Variants in SYNE1 observed in about 807,000 individuals in gnomAD.
The protein encoded by SYNE1 is nesprin-1.
In SYNE1, 616 loss-of-function variants were observed where a neutral mutation model predicts 1,111.0. The observed-to-expected ratio is 0.55, with a 90% confidence interval of 0.52 to 0.59. The LOEUF is 0.59. SYNE1 is among the 20% of genes least tolerant of loss of function. The pLI, the probability that SYNE1 is intolerant of heterozygous loss-of-function variation, is 0.00. For missense variants in SYNE1, 10,006 were observed against 10,417.0 expected (o/e 0.96, Z 1.72); for synonymous variants, 3,855 against 3,825.8 (o/e 1.01, Z -0.28).
chr6:152,291,905 T>A (rs1021484524), intron 95 of SYNE1, among the ~76,000 whole-genome samples: 1 of 152,168 alleles, frequency 6.6e-6, no homozygotes, highest in African/African-American at 2.4e-5. Context: ...TCTGAATGCT[T>A]AAAGAACGGG....
At chr6:152,216,413 C>T (rs1423208704) in intron 121 of SYNE1, among the ~76,000 whole-genome samples, 1 of 152,154 alleles carries the variant, frequency 6.6e-6, no homozygotes, top group Non-Finnish European at 1.5e-5. Flanking sequence ...CACTGGGGGG[C>T]CTGGTCCTGG....
intron 84 of SYNE1, among the ~76,000 whole-genome samples, chr6:152,320,529 CTAT>C (rs1348142722): frequency 6.6e-6 from 1 of 152,066 alleles, no homozygotes; most frequent in African/African-American, 2.4e-5. Context: ...TCCGAAAAAT[CTAT>C]TATATTTCCA....
At chr6:152,538,797 C>T (rs1331377763) in intron 4 of SYNE1, among the ~76,000 whole-genome samples, 1 of 152,094 alleles carries the variant, frequency 6.6e-6, no homozygotes, top group East Asian at 1.9e-4. Context: ...GCCAAATTCC[C>T]TTCTCATCAA....
chr6:152,333,983 T>C, intron 77 of SYNE1, 25 bp downstream of exon 77: 1 of 1,614,118 alleles, frequency 6.2e-7, no homozygotes, highest in Non-Finnish European at 8.5e-7. Context: ...AGCATTTTGG[T>C]GACCCATGGG....
chr6:152,302,210 T>G (rs1450430116), intron 91 of SYNE1, 147 bp from the exon 92 acceptor site: 8 of 1,047,220 alleles, frequency 7.6e-6, no homozygotes, highest in Non-Finnish European at 1.0e-5. Flanking sequence ...CGAGTCCTCC[T>G]GCATCTCGCT....
intron 112 of SYNE1, 145 bp downstream of exon 112, chr6:152,233,636 T>C: frequency 9.5e-7 from 1 of 1,057,086 alleles, no homozygotes; most frequent in Middle Eastern, 3.0e-4. Flanking sequence ...GAGTTCACTC[T>C]TAATATTAAT....
chr6:152,526,064 AC>A lies in SYNE1; in HGVS notation c.225+15del. 6.2e-7 allele frequency: 1 copy of A among 1,611,596 alleles called. No homozygotes were observed. The stretch of plus-strand genomic sequence containing the variant: ...GAAACAATTTGACAAGTATGATCAC[AC>A]AAAAAAATTCTTACCAGTTTCTGCC... On this transcript the variant is annotated intron_variant, in intron 5 of 145. Transcript: ENST00000367255.
At chr6:152,552,823 G>T (rs1468244663) in intron 3 of SYNE1, among the ~76,000 whole-genome samples, 2 of 152,120 alleles carry the variant, frequency 1.3e-5, no homozygotes, top group African/African-American at 4.8e-5. Context: ...CTAGCGTGGC[G>T]TTAGTGACCC....
chr6:152,218,277 C>G lies in SYNE1; in HGVS notation c.22171G>C (p.Glu7391Gln). Residue 7391 changes from glutamate to glutamine, a missense_variant, in exon 121 of 146, where the codon GAA becomes CAA. Glu to Gln is a conservative substitution (Grantham distance 29). This residue lies in a region of SYNE1 where 2,182 missense variants were observed against 2,287.8 expected (regional missense o/e 0.95). Transcript: ENST00000367255. The part of the protein sequence containing the change: ...SHSSDLSTIQ[E>Q]RMEELKGQML... ...CTTACCTTAAGTTCTTCCATCCTTT[C>G]CTGGATTGTGGAGAGGTCAGATGAG... 1 of 1,614,064 alleles carries G rather than the reference C, an allele frequency of 6.2e-7. No homozygotes were observed. The highest frequency in any genetic ancestry group is 8.5e-7 in the Non-Finnish European group (1 of 1,179,978).
chr6:152,351,998 A>T, intron 70 of SYNE1, 29 bp downstream of exon 70: 1 of 1,607,834 alleles, frequency 6.2e-7, no homozygotes, highest in Non-Finnish European at 8.5e-7. Context: ...TGACCTCTGC[A>T]TGCATCTGTC....
In SYNE1 at chr6:152,396,943, A is replaced by C. The variant is rs746315899; in HGVS notation, c.7388T>G (p.Leu2463Arg). Reference sequence around the variant, plus strand: ...TTGTCCTTCTTGAGTCACTGCATCAAGTTTGCTCTGCCCATCACTGACTGA... The same window carrying C: ...TTGTCCTTCTTGAGTCACTGCATCACGTTTGCTCTGCCCATCACTGACTGA... ...LDSVSDGQSK[L>R]DAVTQEGQTL... Residue 2463 changes from leucine (L) to arginine (R), a missense_variant, in exon 50 of 146, where the codon CTT becomes CGT. Transcript: ENST00000367255. 7 of 1,614,206 alleles carry C rather than the reference A, an allele frequency of 4.3e-6. 1 individual carries two copies. Among genetic ancestry groups the C allele is most frequent in the South Asian group, 3.3e-5 (3 of 91,082 alleles).
At chr6:152,433,616 A>G (rs2098448746) in intron 34 of SYNE1, 179 bp downstream of exon 34, 7 of 649,512 alleles carry the variant, frequency 1.1e-5, no homozygotes, top group South Asian at 1.0e-4. Flanking sequence ...AATTCCAACT[A>G]TAAATGTTGC....
intron 56 of SYNE1, among the ~76,000 whole-genome samples, chr6:152,378,010 A>G (rs1231866566): frequency 1.3e-5 from 2 of 152,122 alleles, no homozygotes; most frequent in African/African-American, 4.8e-5. Context: ...TCTGAAATCG[A>G]GGCCATGGTC....
At chr6:152,245,071 G>C (rs1214821104) in intron 105 of SYNE1, among the ~76,000 whole-genome samples, 1 of 152,234 alleles carries the variant, frequency 6.6e-6, no homozygotes, top group African/African-American at 2.4e-5. Flanking sequence ...CATCTTTGGA[G>C]AGAGATTCAG....
At chr6:152,552,929 A>G (rs1044528651) in intron 3 of SYNE1, among the ~76,000 whole-genome samples, 2 of 152,188 alleles carry the variant, frequency 1.3e-5, no homozygotes, top group Non-Finnish European at 2.9e-5. Context: ...GGATGTCACA[A>G]ATAAATTTCC....
chr6:152,367,124 A>T (rs760593429), intron 62 of SYNE1, 94 bp downstream of exon 62: 1 of 1,453,102 alleles, frequency 6.9e-7, no homozygotes, highest in Non-Finnish European at 9.7e-7. Context: ...TCATGGAGAG[A>T]ATGTGACATC....
rs781515191 is a variant in SYNE1, at chr6:152,331,243, T to C, written c.13442A>G (p.His4481Arg). 2 of 1,614,144 alleles carry C rather than the reference T, an allele frequency of 1.2e-6. No individual in the cohort carries two copies. The highest frequency in any genetic ancestry group is 1.7e-6 in the Non-Finnish European group (2 of 1,180,040). ...QHERKIMFRE[H>R]ICLLPDDVSK... ...CACATCATCTGGTAACAGACAGATG[T>C]GTTCACGGAACATTATCTTTCGCTC... The change falls in exon 78 of 146, where the codon CAC (histidine) becomes CGC (arginine). Residue 4481 changes from histidine (H) to arginine (R), a missense_variant. Around this residue, in one of 7 missense-constraint regions of SYNE1, gnomAD observed 4,955 missense variants for 5,017.2 expected, o/e 0.99. Transcript: ENST00000367255.
At chr6:152,303,474 T>C (rs1305651595) in intron 91 of SYNE1, among the ~76,000 whole-genome samples, 1 of 151,638 alleles carries the variant, frequency 6.6e-6, no homozygotes, top group African/African-American at 2.4e-5. Flanking sequence ...ATTGTGTACA[T>C]ACATACACAT....
At chr6:152,327,549 G>C (rs964012264) in intron 78 of SYNE1, among the ~76,000 whole-genome samples, 1 of 152,182 alleles carries the variant, frequency 6.6e-6, no homozygotes, top group Admixed American at 6.5e-5. Context: ...CTGTGCAAGC[G>C]AAGATGCATA....
Sources: allele counts gnomAD v4.1 joint callset (sites outside exome capture counted in the v4.1 genomes callset), GRCh38; gene constraint gnomAD v4.1.1; regional missense constraint gnomAD v4.1.1; transcripts MANE v1.5; gene names NCBI Gene and HGNC (gene_info 2026-07-23, HGNC 2026-07-21).